Variants in FGF14 observed in about 807,000 individuals in gnomAD.
The protein encoded by FGF14 is fibroblast growth factor homologous factor 4.
Under a neutral mutation model 25.5 loss-of-function variants are expected in FGF14, and 5 were observed. That is an observed-to-expected ratio of 0.20 (90% CI 0.10 to 0.41). The LOEUF (loss-of-function observed/expected upper bound fraction) is 0.41. Among genes scored for constraint, FGF14 ranks in the 10% least tolerant of loss-of-function variants. The pLI, the probability that FGF14 is intolerant of heterozygous loss-of-function variation, is 1.00. For synonymous variants in FGF14, 138 were observed against 118.3 expected, an observed-to-expected ratio of 1.17 and a Z score of -1.08; for missense variants, 222 against 320.1, an observed-to-expected ratio of 0.69 and a Z score of 2.34.
intron 1 of FGF14, among the ~76,000 whole-genome samples, chr13:102,354,475 T>C (rs1432640440): frequency 6.6e-6 from 1 of 152,188 alleles, no homozygotes; most frequent in Non-Finnish European, 1.5e-5. Flanking sequence ...TCCTACCCAC[T>C]GCAAGTTGTC....
intron 1 of FGF14, among the ~76,000 whole-genome samples, chr13:102,328,699 T>C (rs1016360857): frequency 2.0e-5 from 3 of 152,176 alleles, no homozygotes; most frequent in African/African-American, 7.2e-5. Flanking sequence ...GGAAAATGAG[T>C]TCCTTAGTAT....
intron 1 of FGF14, among the ~76,000 whole-genome samples, chr13:101,880,844 T>C (rs539439721): frequency 2.6e-5 from 4 of 152,230 alleles, no homozygotes; most frequent in African/African-American, 4.8e-5. Context: ...CTTTCTGTTT[T>C]GTTTTTAAAG....
intron 1 of FGF14, among the ~76,000 whole-genome samples, chr13:102,009,373 A>G (rs2039966132): frequency 6.6e-6 from 1 of 152,138 alleles, no homozygotes; most frequent in South Asian, 2.1e-4. Context: ...AAATTTTCCA[A>G]TCAATCTCCT....
chr13:101,845,567 G>A (rs187466783), intron 3 of FGF14, among the ~76,000 whole-genome samples: 1 of 151,994 alleles, frequency 6.6e-6, no homozygotes, highest in Non-Finnish European at 1.5e-5. Flanking sequence ...GACAGTGAAG[G>A]CATGCTGAGA....
chr13:102,094,654 C>A (rs559579972), intron 1 of FGF14, among the ~76,000 whole-genome samples: 1 of 152,270 alleles, frequency 6.6e-6, no homozygotes, highest in African/African-American at 2.4e-5. Context: ...CAGCTGCTAA[C>A]TCCCAAGCCT....
chr13:101,872,472 A>G (rs1421944622), intron 2 of FGF14, among the ~76,000 whole-genome samples: 1 of 151,840 alleles, frequency 6.6e-6, no homozygotes, highest in African/African-American at 2.4e-5. Flanking sequence ...TCTAAAGCAC[A>G]TTCCTATTTT....
At chr13:102,382,395 T>A (rs1050492718) in intron 1 of FGF14, among the ~76,000 whole-genome samples, 8 of 152,202 alleles carry the variant, frequency 5.3e-5, no homozygotes, top group African/African-American at 1.9e-4. Context: ...TCATTAGTCA[T>A]TAGAGAAATG....
intron 3 of FGF14, among the ~76,000 whole-genome samples, chr13:101,758,621 G>A (rs1167424219): frequency 2.0e-5 from 3 of 152,114 alleles, no homozygotes; most frequent in African/African-American, 4.8e-5. Context: ...GGGCTTGCTT[G>A]GCACCCAGAA....
At chr13:101,790,715 G>C (rs2040188082) in intron 3 of FGF14, among the ~76,000 whole-genome samples, 1 of 151,982 alleles carries the variant, frequency 6.6e-6, no homozygotes, top group African/African-American at 2.4e-5. Flanking sequence ...CCACCATAAA[G>C]GTGTTGGTTA....
chr13:102,221,046 G>C (rs1353563299), intron 1 of FGF14, among the ~76,000 whole-genome samples: 1 of 152,196 alleles, frequency 6.6e-6, no homozygotes, highest in African/African-American at 2.4e-5. Flanking sequence ...CATTCTTCAT[G>C]TTAGAAGGAG....
chr13:102,245,602 T>C (rs1845880587), intron 1 of FGF14, among the ~76,000 whole-genome samples: 1 of 152,080 alleles, frequency 6.6e-6, no homozygotes, highest in South Asian at 2.1e-4. Flanking sequence ...CTATATAATT[T>C]CCTTTAGATT....
At chr13:102,124,032 T>C (rs962251222) in intron 1 of FGF14, among the ~76,000 whole-genome samples, 2 of 149,532 alleles carry the variant, frequency 1.3e-5, no homozygotes, top group African/African-American at 4.9e-5. Context: ...ACATCCAGAG[T>C]AACAACAGAA....
intron 2 of FGF14, among the ~76,000 whole-genome samples, chr13:101,871,183 A>T (rs1300945549): frequency 1.3e-5 from 2 of 152,170 alleles, no homozygotes; most frequent in African/African-American, 2.4e-5. Flanking sequence ...TTACATAATT[A>T]TAAGGCAATG....
At chr13:102,275,550 G>C (rs1444938274) in intron 1 of FGF14, among the ~76,000 whole-genome samples, 1 of 152,084 alleles carries the variant, frequency 6.6e-6, no homozygotes, top group East Asian at 1.9e-4. Context: ...CAGCCATAAA[G>C]GCATTCCATT....
chr13:102,237,763 T>A (rs563159584), intron 1 of FGF14, among the ~76,000 whole-genome samples: 2 of 152,248 alleles, frequency 1.3e-5, no homozygotes, highest in East Asian at 3.9e-4. Context: ...CAATCTTCTG[T>A]AAATTAACAA....
At chr13:101,886,778 A>G (rs1190690992) in intron 1 of FGF14, among the ~76,000 whole-genome samples, 1 of 152,162 alleles carries the variant, frequency 6.6e-6, no homozygotes, top group African/African-American at 2.4e-5. Flanking sequence ...ATGAGAAAAT[A>G]TTTGCCAACT....
chr13:102,114,329 A>G (rs145893352), intron 1 of FGF14, among the ~76,000 whole-genome samples: 2 of 152,288 alleles, frequency 1.3e-5, no homozygotes, highest in Non-Finnish European at 2.9e-5. Flanking sequence ...CAGATACATG[A>G]TTAGCAAATA....
At chr13:101,919,159 A>C (rs2033807992), upstream of FGF14, among the ~76,000 whole-genome samples, 1 of 152,148 alleles carries the variant, frequency 6.6e-6, no homozygotes, top group African/African-American at 2.4e-5. Context: ...CTGTTGTTTT[A>C]ATTCACTGAA....
At chr13:102,146,200 T>A (rs994006306) in intron 1 of FGF14, among the ~76,000 whole-genome samples, 16 of 152,218 alleles carry the variant, frequency 1.1e-4, no homozygotes, top group African/African-American at 3.4e-4. Context: ...CAGTGTAACA[T>A]GTAATTTACA....
Sources: gnomAD v4.1 joint callset for allele counts (sites outside exome capture counted in the v4.1 genomes callset) on GRCh38, gnomAD v4.1.1 for gene constraint, MANE v1.5 for transcripts, NCBI Gene and HGNC (gene_info 2026-07-23, HGNC 2026-07-21) for gene names.